The following ZNF486 variants were observed in gnomAD, a reference collection of about 807,000 sequenced individuals.
The protein encoded by ZNF486 is KRAB box only protein 2.
Under a neutral mutation model 12.8 loss-of-function variants are expected in ZNF486, and 12 were observed. The ratio of observed to expected loss-of-function variants is 0.94; its 90% confidence interval spans 0.60 to 1.52. ZNF486 has a LOEUF of 1.52. Among genes scored for constraint, ZNF486 ranks in the 40% most tolerant of loss-of-function variants. ZNF486 has a pLI of 0.00. For synonymous variants in ZNF486, 231 were observed against 184.9 expected, an observed-to-expected ratio of 1.25 and a Z score of -2.02; for missense variants, 738 against 545.0, an observed-to-expected ratio of 1.35 and a Z score of -3.53.
At chr19:20,188,166 C>T (rs2089868847) in intron 3 of ZNF486, among the ~76,000 whole-genome samples, 1 of 152,050 alleles carries the variant, frequency 6.6e-6, no homozygotes, top group African/African-American at 2.4e-5. Flanking sequence ...ATAGGCAGAA[C>T]TGACCATAAA....
At chr19:20,173,054 G>T (rs1468728119) in intron 1 of ZNF486, among the ~76,000 whole-genome samples, 1 of 152,176 alleles carries the variant, frequency 6.6e-6, no homozygotes, top group East Asian at 1.9e-4. Flanking sequence ...CTGTAAAGAA[G>T]CTCTGAAGTT....
chr19:20,174,101 A>G (rs2089679317), intron 1 of ZNF486, among the ~76,000 whole-genome samples: 1 of 152,164 alleles, frequency 6.6e-6, no homozygotes, highest in Admixed American at 6.6e-5. Flanking sequence ...GGGCACACAG[A>G]AGCTTAGCAC....
intron 1 of ZNF486, among the ~76,000 whole-genome samples, chr19:20,179,383 C>G (rs1330434316): frequency 1.3e-5 from 2 of 152,210 alleles, no homozygotes; most frequent in Admixed American, 1.3e-4. Context: ...TACTACTAAT[C>G]AAAGTGTAGA....
chr19:20,167,284 C>G lies in ZNF486; in HGVS notation c.-47C>G. ...GTGTCCTCTGCTCCTAGAGGCCCAC[C>G]CTCTGTGGCCCTGTGTCCTGTAGGT... On this transcript the variant is annotated 5_prime_UTR_variant, in exon 1 of 4. Transcript: ENST00000335117. 4 of 1,611,310 alleles carry G rather than the reference C, an allele frequency of 2.5e-6. No individual in the cohort carries two copies. The highest frequency in any genetic ancestry group is 3.4e-6 in the Non-Finnish European group (4 of 1,177,428).
At position 20,194,481 on chromosome 19, in the gene ZNF486, C is replaced by G. The variant is rs138048166; in HGVS notation, c.254-2483C>G. On this transcript the variant is annotated intron_variant, in intron 3 of 3. Coordinates refer to ENST00000335117, the MANE Select transcript of ZNF486 (RefSeq NM_052852.4). ...GTGGCTCACGTCTATAATCCCAGCACTTTGGGAGACTGAGACGGGCAGACC... is the reference window on the plus strand; with the variant it reads ...GTGGCTCACGTCTATAATCCCAGCAGTTTGGGAGACTGAGACGGGCAGACC... Among the ~76,000 whole-genome samples the G allele has an allele frequency of 5.7e-3, 875 of 152,298 alleles. 11 individuals are homozygous for G. Among genetic ancestry groups the G allele is most frequent in the African/African-American group, 0.02 (844 of 41,556 alleles).
At chr19:20,185,595 A>T (rs150249127) in intron 2 of ZNF486, among the ~76,000 whole-genome samples, 6 of 151,624 alleles carry the variant, frequency 4.0e-5, no homozygotes, top group African/African-American at 1.4e-4. Context: ...ATTTTAGTAG[A>T]AATGGGGTTT....
intron 2 of ZNF486, 81 bp from the exon 3 acceptor site, chr19:20,185,904 TAC>T (rs1266175821): frequency 2.6e-6 from 2 of 766,266 alleles, no homozygotes; most frequent in Non-Finnish European, 3.8e-6. Flanking sequence ...AATATTTTAT[TAC>T]ATTCTTTCTG....
chr19:20,181,680 A>G (rs1277685501), intron 1 of ZNF486, among the ~76,000 whole-genome samples: 1 of 152,184 alleles, frequency 6.6e-6, no homozygotes, highest in Non-Finnish European at 1.5e-5. Context: ...GTTGCTCCAC[A>G]AGTCACAGAA....
intron 3 of ZNF486, chr19:20,188,780 CCT>C (rs1555716826): frequency 2.5e-5 from 6 of 239,248 alleles, no homozygotes; most frequent in African/African-American, 9.0e-5. Flanking sequence ...CTCATTTTAC[CCT>C]CTCTCACCCT....
chr19:20,199,396 A>G lies in ZNF486; in HGVS notation c.*1294A>G, dbSNP rs529474773. ...AACATCAGGGAATGTATATTGAAGA[A>G]GATTCCTGCAAATGTAATGAGTTTG... On this transcript the variant is annotated 3_prime_UTR_variant, in exon 4 of 4. Coordinates refer to ENST00000335117, the MANE Select transcript of ZNF486 (RefSeq NM_052852.4). 3.9e-5 allele frequency: 6 copies of G among 152,316 alleles called. No homozygotes were observed. Among genetic ancestry groups the G allele is most frequent in the African/African-American group, 1.4e-4 (6 of 41,582 alleles). The allele number at this position is 152,316 out of a possible 1,614,324, so 9.4% of individuals were successfully genotyped here.
At chr19:20,195,645 G>C (rs868956386) in intron 3 of ZNF486, among the ~76,000 whole-genome samples, 2 of 152,256 alleles carry the variant, frequency 1.3e-5, no homozygotes, top group Middle Eastern at 3.4e-3. Context: ...ATATAGCTTT[G>C]TCCTGGCGTA....
intron 3 of ZNF486, among the ~76,000 whole-genome samples, chr19:20,186,624 A>G (rs1044658490): frequency 6.6e-6 from 1 of 152,136 alleles, no homozygotes; most frequent in African/African-American, 2.4e-5. Flanking sequence ...TTTGGCTATC[A>G]AAGTTATTTT....
intron 3 of ZNF486, among the ~76,000 whole-genome samples, chr19:20,191,628 G>T (rs1465523724): frequency 1.3e-5 from 2 of 150,352 alleles, no homozygotes; most frequent in Non-Finnish European, 3.0e-5. Flanking sequence ...AAATTAGCCG[G>T]GCATGGTGGT....
At chr19:20,173,813 C>T (rs1302921788) in intron 1 of ZNF486, among the ~76,000 whole-genome samples, 1 of 150,228 alleles carries the variant, frequency 6.7e-6, no homozygotes, top group Admixed American at 6.6e-5. Flanking sequence ...GCCTGGGGGA[C>T]AGAGCGAGAC....
rs1284369935 is a variant in ZNF486, at chr19:20,200,190, T to C, written c.*2088T>C. ...ATTTTATTCTTATTGTATTCACATG[T>C]GAAAGCATGTGATCAATTTTTGCTG... On this transcript the variant is annotated 3_prime_UTR_variant, in exon 4 of 4. Coordinates refer to ENST00000335117, the MANE Select transcript of ZNF486 (RefSeq NM_052852.4). 1 of 152,176 alleles carries C rather than the reference T, an allele frequency of 6.6e-6. No homozygotes were observed. The highest frequency in any genetic ancestry group is 6.6e-5 in the Admixed American group (1 of 15,256). 9.4% of individuals were successfully genotyped at this position (152,176 alleles called of 1,614,324 possible).
In ZNF486 at chr19:20,198,079, A is replaced by T. The variant is rs782714494; in HGVS notation, c.1369A>T (p.Ile457Phe). The T allele has an allele frequency of 3.8e-6, 6 of 1,599,242 alleles. No homozygotes were observed. The South Asian group carries it at 6.7e-5, about 18-fold the overall frequency. ...CCTTAATAAACATAAGAGAATTCAT[A>T]TTGGACAGAAACCAAGAACGTGACA... ...SDLNKHKRIH[I>F]GQKPRT The change falls in exon 4 of 4, where the codon ATT becomes TTT. Residue 457 changes from isoleucine (I) to phenylalanine (F), a missense_variant. Coordinates refer to ENST00000335117, the MANE Select transcript of ZNF486 (RefSeq NM_052852.4).
rs188399804 is a variant in ZNF486, at chr19:20,179,988, C to T, written c.31-4368C>T. Among the ~76,000 whole-genome samples, 6 of 152,306 alleles carry T rather than the reference C, an allele frequency of 3.9e-5. No individual in the cohort carries two copies. In the East Asian group the frequency reaches 1.2e-3, roughly 29 times the overall value. On this transcript the variant is annotated intron_variant, in intron 1 of 3. Coordinates refer to ENST00000335117, the MANE Select transcript of ZNF486 (RefSeq NM_052852.4). ...TCATCCAAGAGCTAGCAAATCAGGA[C>T]AGATGATGTAGGTTCTGGAGCTCCA...
At chr19:20,175,317 C>CA (rs2089693336) in intron 1 of ZNF486, 1 of 146,110 alleles carries the variant, frequency 6.8e-6, no homozygotes, top group African/African-American at 2.6e-5. Flanking sequence ...GTGTCTGTTT[C>CA]AGAAGCCCTA....
intron 1 of ZNF486, among the ~76,000 whole-genome samples, chr19:20,168,654 CAA>C (rs782582640): frequency 5.2e-5 from 6 of 115,938 alleles, no homozygotes; most frequent in Admixed American, 8.8e-5. Context: ...AACTCCGTCT[CAA>C]AAAAAAAAAA....
Sources: gnomAD v4.1 joint callset for allele counts (sites outside exome capture counted in the v4.1 genomes callset) on GRCh38, gnomAD v4.1.1 for gene constraint, MANE v1.5 for transcripts, NCBI Gene and HGNC (gene_info 2026-07-23, HGNC 2026-07-21) for gene names.